Variants in ZNF423 observed in about 807,000 individuals in gnomAD.
The protein encoded by ZNF423 is zinc finger protein 423.
ZNF423 carries 12 observed loss-of-function variants against 95.8 expected under a neutral mutation model. The ratio of observed to expected loss-of-function variants is 0.13; its 90% CI spans 0.08 to 0.20. The LOEUF (loss-of-function observed/expected upper bound fraction) is 0.20. Ranked by LOEUF, ZNF423 falls within the 10% of genes least tolerant of loss-of-function variation. ZNF423 has a pLI of 1.00. For missense variants in ZNF423, 1,316 were observed against 1,737.1 expected, an observed-to-expected ratio of 0.76 and a Z score of 4.31; for synonymous variants, 749 against 711.9, an observed-to-expected ratio of 1.05 and a Z score of -0.83.
chr16:49,527,656 T>C (rs1968666811), intron 5 of ZNF423, among the ~76,000 whole-genome samples: 1 of 152,196 alleles, frequency 6.6e-6, no homozygotes. Flanking sequence ...GAATAGTTTA[T>C]AACATATTTC....
At chr16:49,504,361 C>A (rs1567428902) in intron 7 of ZNF423, among the ~76,000 whole-genome samples, 1 of 152,220 alleles carries the variant, frequency 6.6e-6, no homozygotes, top group Non-Finnish European at 1.5e-5. Flanking sequence ...GTGGGCAGAA[C>A]ACTTGAGGCC....
intron 2 of ZNF423, among the ~76,000 whole-genome samples, chr16:49,775,863 G>A (rs374295840): frequency 1.3e-5 from 2 of 152,188 alleles, no homozygotes; most frequent in South Asian, 4.1e-4. Flanking sequence ...CTTAACGCTC[G>A]TGTCTTTTTG....
At chr16:49,767,207 C>A (rs1027348468) in intron 2 of ZNF423, among the ~76,000 whole-genome samples, 1 of 152,020 alleles carries the variant, frequency 6.6e-6, no homozygotes, top group Non-Finnish European at 1.5e-5. Flanking sequence ...CCTCCTGCAT[C>A]GGCCTCCCAA....
chr16:49,609,990 T>C (rs981406396), intron 5 of ZNF423, among the ~76,000 whole-genome samples: 2 of 152,178 alleles, frequency 1.3e-5, no homozygotes, highest in African/African-American at 4.8e-5. Flanking sequence ...TGACAGCAGA[T>C]TTCTCATTAG....
chr16:49,813,700 T>C (rs770559381), intron 1 of ZNF423, among the ~76,000 whole-genome samples: 21 of 152,256 alleles, frequency 1.4e-4, no homozygotes, highest in African/African-American at 1.9e-4. Context: ...CTTGGCCTCC[T>C]GTTAAAGTCT....
rs1019482650 is a variant in ZNF423 at position 49,685,767 on chromosome 16, C to G, written c.301+45004G>C. 6.6e-5 allele frequency among the ~76,000 whole-genome samples: 10 copies of G among 152,198 alleles called. 1 individual carries two copies. Among genetic ancestry groups the G allele is most frequent in the Non-Finnish European group, 1.0e-4 (7 of 68,022 alleles). ...GTCCTTGACAGGGCATTGGCAGGAA[C>G]TCTGCCAAGGATGAGTCTGAGGATG... On this transcript the variant is annotated intron_variant, in intron 3 of 7. Transcript: ENST00000563137.
intron 1 of ZNF423, among the ~76,000 whole-genome samples, chr16:49,829,153 T>C (rs940353725): frequency 2.6e-5 from 4 of 152,228 alleles, no homozygotes; most frequent in Admixed American, 2.0e-4. Context: ...GTTACTCAGA[T>C]TGCTTGTTAA....
At chr16:49,747,338 G>A (rs1287562736) in intron 2 of ZNF423, among the ~76,000 whole-genome samples, 1 of 151,250 alleles carries the variant, frequency 6.6e-6, no homozygotes, top group Non-Finnish European at 1.5e-5. Context: ...AAAAAAGCAA[G>A]TTGCTAAAGA....
At chr16:49,737,172 G>C (rs968028513) in intron 2 of ZNF423, among the ~76,000 whole-genome samples, 24 of 149,872 alleles carry the variant, frequency 1.6e-4, no homozygotes, top group African/African-American at 5.9e-4. Context: ...CTTTGTCAAT[G>C]AGGAAAAAAA....
At chr16:49,622,333 T>C (rs1972108882) in intron 5 of ZNF423, among the ~76,000 whole-genome samples, 1 of 152,044 alleles carries the variant, frequency 6.6e-6, no homozygotes, top group Non-Finnish European at 1.5e-5. Context: ...AGGTGCTCCA[T>C]GGCTCACCCC....
At chr16:49,672,763 A>G (rs956883571) in intron 3 of ZNF423, among the ~76,000 whole-genome samples, 3 of 152,210 alleles carry the variant, frequency 2.0e-5, no homozygotes, top group Non-Finnish European at 4.4e-5. Context: ...GGTTGCACTG[A>G]GCCGAGATCG....
At chr16:49,496,022 C>T (rs1013082520) in intron 7 of ZNF423, among the ~76,000 whole-genome samples, 6 of 152,248 alleles carry the variant, frequency 3.9e-5, no homozygotes, top group Non-Finnish European at 7.3e-5. Flanking sequence ...CCTCTCCTGG[C>T]TCTCAGCTAC....
chr16:49,623,108 C>T (rs986908379), intron 5 of ZNF423, among the ~76,000 whole-genome samples: 11 of 152,140 alleles, frequency 7.2e-5, no homozygotes, highest in African/African-American at 2.4e-4. Context: ...AGGTCTGGCT[C>T]ACCCGGGGTT....
intron 5 of ZNF423, among the ~76,000 whole-genome samples, chr16:49,580,385 GC>G (rs1186172967): frequency 6.6e-6 from 1 of 152,148 alleles, no homozygotes; most frequent in African/African-American, 2.4e-5. Flanking sequence ...TTACTTGTTT[GC>G]CTGTTTATTC....
chr16:49,776,162 C>T (rs1293122723), intron 2 of ZNF423, among the ~76,000 whole-genome samples: 2 of 152,164 alleles, frequency 1.3e-5, no homozygotes, highest in African/African-American at 4.8e-5. Context: ...GCAGCGGAGA[C>T]GGAAGGCTGA....
At chr16:49,658,232 C>T (rs2029995281) in intron 3 of ZNF423, among the ~76,000 whole-genome samples, 1 of 152,202 alleles carries the variant, frequency 6.6e-6, no homozygotes, top group Non-Finnish European at 1.5e-5. Context: ...CCAGACAGGG[C>T]AGTGCAGGGA....
intron 3 of ZNF423, among the ~76,000 whole-genome samples, chr16:49,692,964 A>G (rs2151947633): frequency 6.6e-6 from 1 of 152,372 alleles, no homozygotes; most frequent in Non-Finnish European, 1.5e-5. Flanking sequence ...TCTTGAATGA[A>G]CGAGTGAAAA....
At position 49,855,680 on chromosome 16, in the gene ZNF423, G is replaced by A; in HGVS notation, c.40+55C>T. ...CCCGCTCGCCGGTCCCTCCTCCCTC[G>A]CTCCCTCCCTCCTCGCTCGCTCGCT... On this transcript the variant is annotated intron_variant, in intron 1 of 7. Coordinates refer to ENST00000563137, the MANE Select transcript of ZNF423 (RefSeq NM_001379286.1). The surrounding 1 kb of genome is among the most constrained non-coding windows in gnomAD (Gnocchi z 4.7). 1 of 159,544 alleles carries A rather than the reference G, an allele frequency of 6.3e-6. No individual in the cohort carries two copies. The highest frequency in any genetic ancestry group is 1.4e-5 in the Non-Finnish European group (1 of 73,340). 9.9% of individuals were successfully genotyped at this position (159,544 alleles called of 1,614,324 possible). A position where few individuals can be genotyped will look rare whatever the true frequency, so the allele number is the denominator to read the frequency against.
intron 2 of ZNF423, among the ~76,000 whole-genome samples, chr16:49,784,997 G>A (rs2034286661): frequency 1.3e-5 from 2 of 151,848 alleles, no homozygotes; most frequent in African/African-American, 4.8e-5. Context: ...CTGGGGCTGG[G>A]AGGGGTAGGA....
Sources: allele counts gnomAD v4.1 joint callset (sites outside exome capture counted in the v4.1 genomes callset), GRCh38; gene constraint gnomAD v4.1.1; non-coding constraint Gnocchi (gnomAD v3.1); transcripts MANE v1.5; gene names NCBI Gene and HGNC (gene_info 2026-07-23, HGNC 2026-07-21).